The following LNPEP variants were observed in gnomAD, a reference collection of about 807,000 sequenced individuals.
LNPEP encodes the protein leucyl and cystinyl aminopeptidase, also known as leucyl-cystinyl aminopeptidase.
A neutral mutation model predicts 120.6 loss-of-function variants in LNPEP; 64 were observed. The observed-to-expected ratio is 0.53, with a 90% CI of 0.43 to 0.65. LNPEP has a LOEUF of 0.65. LNPEP is among the 30% of genes least tolerant of loss of function. LNPEP has a pLI of 0.00. For synonymous variants in LNPEP, 435 were observed against 425.4 expected (o/e 1.02, Z -0.28); for missense variants, 1,057 against 1,200.0 (o/e 0.88, Z 1.76).
Position 96,936,138 on chromosome 5 carries a change from A to T in LNPEP, c.-18A>T. ...AAGCTCGGGCGCTCCGGCTGTAAGG[A>T]GCCGCGGCGGGGGGAAAATGGAGCC... On this transcript the variant is annotated 5_prime_UTR_variant, in exon 1 of 18. Transcript: ENST00000231368. The T allele has an allele frequency of 6.6e-7, 1 of 1,508,332 alleles. No homozygotes were observed. Among genetic ancestry groups the T allele is most frequent in the Non-Finnish European group, 8.9e-7 (1 of 1,129,354 alleles). The allele number at this position is 1,508,332 out of a possible 1,614,324, so 93.4% of individuals were successfully genotyped here.
chr5:97,004,254 C>G (rs1297568710), intron 9 of LNPEP, among the ~76,000 whole-genome samples: 1 of 152,188 alleles, frequency 6.6e-6, no homozygotes, highest in East Asian at 1.9e-4. Flanking sequence ...GTGGCTCACG[C>G]CTGTAATCCC....
At chr5:96,976,048 G>GGAATAAAT (rs1789985258) in intron 1 of LNPEP, among the ~76,000 whole-genome samples, 1 of 152,160 alleles carries the variant, frequency 6.6e-6, no homozygotes, top group African/African-American at 2.4e-5. Flanking sequence ...TCTTTCAGTA[G>GGAATAAAT]GAATAAATCC....
At chr5:96,955,337 G>A (rs1015388924) in intron 1 of LNPEP, among the ~76,000 whole-genome samples, 3 of 152,050 alleles carry the variant, frequency 2.0e-5, no homozygotes, top group African/African-American at 7.2e-5. Flanking sequence ...GAATAGGGCT[G>A]GACGCGGTGG....
intron 1 of LNPEP, among the ~76,000 whole-genome samples, chr5:96,948,398 G>A (rs868188120): frequency 6.6e-6 from 1 of 152,208 alleles, no homozygotes; most frequent in Non-Finnish European, 1.5e-5. Flanking sequence ...GATTACAGGC[G>A]TGAGCCACCA....
At chr5:96,961,816 A>G (rs1474502915) in intron 1 of LNPEP, among the ~76,000 whole-genome samples, 3 of 152,038 alleles carry the variant, frequency 2.0e-5, no homozygotes, top group Non-Finnish European at 4.4e-5. Context: ...GATTTTTTCA[A>G]TTTTTTTAAA....
At chr5:97,016,412 C>T (rs1301437852) in intron 13 of LNPEP, among the ~76,000 whole-genome samples, 3 of 152,116 alleles carry the variant, frequency 2.0e-5, no homozygotes, top group African/African-American at 7.2e-5. Context: ...TCACACAGTG[C>T]CAAGGTAGAT....
intron 1 of LNPEP, among the ~76,000 whole-genome samples, chr5:96,955,227 T>G (rs2112572807): frequency 6.6e-6 from 1 of 152,314 alleles, no homozygotes; most frequent in South Asian, 2.1e-4. Flanking sequence ...AATTGAATTA[T>G]ATAGATTTTA....
chr5:97,024,707 T>G, intron 15 of LNPEP, 25 bp downstream of exon 15: 3 of 1,598,918 alleles, frequency 1.9e-6, no homozygotes, highest in Non-Finnish European at 2.6e-6. Context: ...AGGAATATGA[T>G]ATACAGAAAC....
At position 96,971,345 on chromosome 5, in the gene LNPEP, T is replaced by TTGTGTGTGTG. The variant is rs3076561; in HGVS notation, c.20-7763_20-7754dup. Among the ~76,000 whole-genome samples, 148 of 142,916 alleles carry TTGTGTGTGTG rather than the reference T, an allele frequency of 1.0e-3. 1 individual carries two copies. Among genetic ancestry groups the TTGTGTGTGTG allele is most frequent in the South Asian group, 8.5e-3 (38 of 4,466 alleles). The allele number at this position is 142,916 out of a possible 152,430, so 93.8% of individuals were successfully genotyped here. ...CATGATGTGCTTAAGACATTATTAT[T>TTGTGTGTGTG]TGTGTGTGTGTGTGTGTGTGTGTGT... On this transcript the variant is annotated intron_variant, in intron 1 of 17. Transcript: ENST00000231368.
rs1288098020 is a variant in LNPEP, at chr5:96,979,889, T to C, written c.771T>C (p.Tyr257=). Residue 257 remains tyrosine (Y), a synonymous_variant, in exon 2 of 18, where the codon TAT becomes TAC. Transcript: ENST00000231368. The part of the protein sequence containing the change: ...APEALLAGHN[Y]TLKIEYSANI... ...AAGCCCTTCTAGCAGGGCACAATTA[T>C]ACGTTGAAGATAGAGTACTCGGCAA... 3 of 1,613,970 alleles carry C rather than the reference T, an allele frequency of 1.9e-6. No homozygotes were observed. Among genetic ancestry groups the C allele is most frequent in the Admixed American group, 1.7e-5 (1 of 59,994 alleles).
chr5:96,958,325 TGA>T (rs1235652728), intron 1 of LNPEP: 4 of 259,184 alleles, frequency 1.5e-5, no homozygotes, highest in South Asian at 1.5e-4. Flanking sequence ...CTTGCCTTTT[TGA>T]GTTTTTCCAG....
intron 1 of LNPEP, among the ~76,000 whole-genome samples, chr5:96,974,558 A>G (rs1000157881): frequency 9.9e-5 from 15 of 152,132 alleles, no homozygotes; most frequent in African/African-American, 2.9e-4. Flanking sequence ...ATGAAAAACA[A>G]AAGGATTTAA....
intron 17 of LNPEP, 65 bp from the exon 18 acceptor site, chr5:97,028,337 G>A: frequency 6.8e-7 from 1 of 1,474,788 alleles, no homozygotes; most frequent in Non-Finnish European, 9.5e-7. Flanking sequence ...TATTTTAAAA[G>A]CTGGGGTTAC....
At chr5:97,010,968 T>C in intron 11 of LNPEP, 6 of 985,420 alleles carry the variant, frequency 6.1e-6, no homozygotes, top group Non-Finnish European at 7.2e-6. Flanking sequence ...TTGGCTGTAC[T>C]GCTTTATGTT....
chr5:96,954,212 A>T (rs1789386900), intron 1 of LNPEP, among the ~76,000 whole-genome samples: 1 of 152,182 alleles, frequency 6.6e-6, no homozygotes, highest in Non-Finnish European at 1.5e-5. Context: ...GTAATCTGTG[A>T]TCAGATGTAA....
In LNPEP at chr5:97,032,318, T is replaced by A. The variant is rs893862044; in HGVS notation, c.*3785T>A. On this transcript the variant is annotated 3_prime_UTR_variant, in exon 18 of 18. Transcript: ENST00000231368. ...TGCTTGTTTTTGCATTCTTTTATTT[T>A]GTGCTCCATTCCCTGCTTTGCCAGT... 2.6e-5 allele frequency: 4 copies of A among 152,224 alleles called. No individual in the cohort carries two copies. The highest frequency in any genetic ancestry group is 5.9e-5 in the Non-Finnish European group (4 of 68,028). 9.4% of individuals were successfully genotyped at this position (152,224 alleles called of 1,614,324 possible). A position where few individuals can be genotyped will look rare whatever the true frequency, so the allele number is the denominator to read the frequency against.
chr5:96,982,290 C>A (rs1158619613), intron 2 of LNPEP, among the ~76,000 whole-genome samples: 1 of 152,164 alleles, frequency 6.6e-6, no homozygotes, highest in African/African-American at 2.4e-5. Flanking sequence ...GTTTGAAATT[C>A]TCTTATCCCC....
chr5:96,940,892 CG>C (rs1339978836), intron 1 of LNPEP, among the ~76,000 whole-genome samples: 1 of 152,004 alleles, frequency 6.6e-6, no homozygotes, highest in African/African-American at 2.4e-5. Flanking sequence ...GGACCACAGT[CG>C]GGGGGATGTA....
rs770787249 is a variant in LNPEP, at chr5:97,022,504, A to G, written c.2561+20A>G. On this transcript the variant is annotated intron_variant, in intron 14 of 17. Coordinates refer to ENST00000231368, the MANE Select transcript of LNPEP (RefSeq NM_005575.3). ...TCAAAGGTGAAGTATACCTCTACTC[A>G]GATGAATTATCTTCTTTTTCTTTAT... 1.0e-5 allele frequency: 16 copies of G among 1,575,878 alleles called. No individual in the cohort carries two copies. The highest frequency in any genetic ancestry group is 1.3e-5 in the Non-Finnish European group (15 of 1,145,652).
Sources: gnomAD v4.1 joint callset for allele counts (sites outside exome capture counted in the v4.1 genomes callset) on GRCh38, gnomAD v4.1.1 for gene constraint, MANE v1.5 for transcripts, NCBI Gene and HGNC (gene_info 2026-07-23, HGNC 2026-07-21) for gene names.